The following TEC variants were observed in gnomAD, a reference collection of about 807,000 sequenced individuals.
TEC encodes the protein tec protein tyrosine kinase.
In TEC, 72 loss-of-function variants were observed where a neutral mutation model predicts 93.0. The ratio of observed to expected loss-of-function variants is 0.77; its 90% CI spans 0.64 to 0.94. The LOEUF (loss-of-function observed/expected upper bound fraction) is 0.94, where lower values mean the gene tolerates loss of function less well. TEC is among the 40% of genes least tolerant of loss of function. The pLI is 0.00. For synonymous variants in TEC, 249 were observed against 247.7 expected (o/e 1.01, Z -0.05); for missense variants, 630 against 757.9 (o/e 0.83, Z 1.98).
chr4:48,242,901 C>T (rs1269596378), intron 1 of TEC, among the ~76,000 whole-genome samples: 1 of 152,168 alleles, frequency 6.6e-6, no homozygotes, highest in Non-Finnish European at 1.5e-5. Flanking sequence ...GAGGACCAAA[C>T]TTACAAACTC....
Position 48,268,112 on chromosome 4 carries a change from T to C in TEC, c.-46+1640A>G, listed in dbSNP as rs145263266. Among the ~76,000 whole-genome samples, 7 of 152,346 alleles carry C rather than the reference T, an allele frequency of 4.6e-5. No individual in the cohort carries two copies. In the East Asian group the frequency reaches 1.3e-3, roughly 29 times the overall value. ...CTCAGCTTTATTTTCCACGGTTTGG[T>C]AAAACATAGCTGCTGCCCTTGAGTA... On this transcript the variant is annotated intron_variant, in intron 1 of 17. Coordinates refer to ENST00000381501, the MANE Select transcript of TEC (RefSeq NM_003215.3).
At chr4:48,228,288 T>A (rs565402713) in intron 2 of TEC, among the ~76,000 whole-genome samples, 189 bp downstream of exon 2, 21 of 152,352 alleles carry the variant, frequency 1.4e-4, no homozygotes, top group African/African-American at 5.1e-4. Context: ...AGGTTAATTA[T>A]AATAAACCTA....
intron 2 of TEC, among the ~76,000 whole-genome samples, chr4:48,224,746 G>C (rs991721430): frequency 6.6e-6 from 1 of 152,150 alleles, no homozygotes; most frequent in South Asian, 2.1e-4. Context: ...TGAATTTCTC[G>C]TTATCTAGAA....
intron 1 of TEC, among the ~76,000 whole-genome samples, chr4:48,269,484 T>C (rs1447211610): frequency 6.6e-6 from 1 of 152,218 alleles, no homozygotes; most frequent in African/African-American, 2.4e-5. Flanking sequence ...GAGAGGTCAG[T>C]GCGGGAGTTG....
At chr4:48,159,045 T>C (rs1393678180) in intron 8 of TEC, among the ~76,000 whole-genome samples, 1 of 151,676 alleles carries the variant, frequency 6.6e-6, no homozygotes, top group Non-Finnish European at 1.5e-5. Flanking sequence ...TCTTGGTGGC[T>C]TCTTTCTCCT....
intron 1 of TEC, among the ~76,000 whole-genome samples, chr4:48,250,023 C>T (rs1724160743): frequency 6.6e-6 from 1 of 152,244 alleles, no homozygotes; most frequent in South Asian, 2.1e-4. Flanking sequence ...AGGCTGATAA[C>T]TCCAAAATCT....
chr4:48,225,492 G>A (rs1368087396), intron 2 of TEC, among the ~76,000 whole-genome samples: 11 of 151,960 alleles, frequency 7.2e-5, no homozygotes, highest in African/African-American at 1.9e-4. Context: ...ATTCTTTTCC[G>A]AATCACAGCT....
chr4:48,219,693 G>A (rs747543942), intron 2 of TEC, among the ~76,000 whole-genome samples: 3 of 152,086 alleles, frequency 2.0e-5, no homozygotes, highest in Middle Eastern at 3.2e-3. Flanking sequence ...CTGTAATCAC[G>A]TGATTTGCTT....
intron 2 of TEC, among the ~76,000 whole-genome samples, chr4:48,204,243 T>G (rs1410392829): frequency 6.6e-6 from 1 of 152,214 alleles, no homozygotes; most frequent in African/African-American, 2.4e-5. Context: ...GCTGAACACC[T>G]GCTTGCCTTC....
At chr4:48,261,436 A>T (rs1267946494) in intron 1 of TEC, among the ~76,000 whole-genome samples, 1 of 152,224 alleles carries the variant, frequency 6.6e-6, no homozygotes, top group Non-Finnish European at 1.5e-5. Context: ...AGAAAAATGA[A>T]ACTTTAAATC....
intron 2 of TEC, among the ~76,000 whole-genome samples, chr4:48,199,591 CGAG>C (rs1560405142): frequency 2.0e-5 from 3 of 147,190 alleles, no homozygotes; most frequent in African/African-American, 7.5e-5. Flanking sequence ...CTCAGCGTCC[CGAG>C]TAGCTGGGAC....
intron 2 of TEC, among the ~76,000 whole-genome samples, chr4:48,202,985 T>C (rs779157059): frequency 2.0e-5 from 3 of 152,210 alleles, no homozygotes; most frequent in Non-Finnish European, 2.9e-5. Flanking sequence ...ACTTGAGAAC[T>C]GAGGGAACCA....
At chr4:48,155,481 C>T (rs970885626) in intron 9 of TEC, among the ~76,000 whole-genome samples, 30 of 152,190 alleles carry the variant, frequency 2.0e-4, no homozygotes, top group African/African-American at 6.5e-4. Context: ...TTCTACTAGA[C>T]GGGCATTTAC....
intron 2 of TEC, 50 bp downstream of exon 2, chr4:48,228,427 A>G (rs1434139955): frequency 1.3e-6 from 2 of 1,495,704 alleles, no homozygotes; most frequent in Non-Finnish European, 8.9e-7. Flanking sequence ...AATATTATAA[A>G]ATCGTTATCT....
chr4:48,188,946 A>T (rs1721997303), intron 2 of TEC, among the ~76,000 whole-genome samples: 1 of 152,194 alleles, frequency 6.6e-6, no homozygotes, highest in South Asian at 2.1e-4. Flanking sequence ...AGATCAGTTA[A>T]ATATCTCAAG....
rs1720069315 is a variant in TEC at position 48,149,562 on chromosome 4, G to A, written c.1001C>T (p.Ala334Val). ...GGTTTTCACAGCTCACTTACCTGCT[G>A]CATTGTGCTTATGATATTCAATAAT... ...PEIIEYHKHNAAGLVTRLRYP... is the reference protein window; with the variant it reads ...PEIIEYHKHNVAGLVTRLRYP... The change falls in exon 11 of 18, where the codon GCA becomes GTA. Residue 334 changes from alanine to valine, a missense_variant. By Grantham distance (64) the Ala-to-Val change is moderately conservative. Around this residue, in one of 3 missense-constraint regions of TEC, gnomAD observed 289 missense variants for 390.0 expected, o/e 0.74. Coordinates refer to ENST00000381501, the MANE Select transcript of TEC (RefSeq NM_003215.3). 1 of 1,602,566 alleles carries A rather than the reference G, an allele frequency of 6.2e-7. No homozygotes were observed. The highest frequency in any genetic ancestry group is 8.5e-7 in the Non-Finnish European group (1 of 1,176,200).
intron 1 of TEC, among the ~76,000 whole-genome samples, chr4:48,242,984 A>G (rs894216338): frequency 2.6e-5 from 4 of 152,220 alleles, no homozygotes; most frequent in East Asian, 1.9e-4. Flanking sequence ...TTAGCCCCCA[A>G]ATGTAATTAT....
chr4:48,257,184 T>C (rs950721191), intron 1 of TEC, among the ~76,000 whole-genome samples: 5 of 152,194 alleles, frequency 3.3e-5, no homozygotes, highest in African/African-American at 4.8e-5. Context: ...ATAATATTTT[T>C]ATATATGGCT....
intron 17 of TEC, among the ~76,000 whole-genome samples, chr4:48,137,761 C>T (rs1560368862): frequency 2.6e-5 from 4 of 152,170 alleles, no homozygotes; most frequent in South Asian, 2.1e-4. Context: ...GAAATCAAGT[C>T]CTGCAAATTT....
Sources: allele counts gnomAD v4.1 joint callset (sites outside exome capture counted in the v4.1 genomes callset), GRCh38; gene constraint gnomAD v4.1.1; regional missense constraint gnomAD v4.1.1; transcripts MANE v1.5; gene names NCBI Gene and HGNC (gene_info 2026-07-23, HGNC 2026-07-21).